Variants in BAZ2B observed in about 807,000 individuals in gnomAD.
The protein encoded by BAZ2B is bromodomain adjacent to zinc finger domain 2B.
BAZ2B carries 91 observed loss-of-function variants against 246.0 expected under a neutral mutation model. That is an observed-to-expected ratio of 0.37 (90% CI 0.31 to 0.44). BAZ2B has a LOEUF of 0.44. Ranked by LOEUF, BAZ2B falls within the 20% of genes least tolerant of loss-of-function variation. BAZ2B has a pLI of 1.00. For missense variants in BAZ2B, 2,332 were observed against 2,533.7 expected, an observed-to-expected ratio of 0.92 and a Z score of 1.71; for synonymous variants, 855 against 860.0, an observed-to-expected ratio of 0.99 and a Z score of 0.10.
chr2:159,414,058 A>G (rs2067243399), intron 13 of BAZ2B, among the ~76,000 whole-genome samples: 1 of 152,230 alleles, frequency 6.6e-6, no homozygotes, highest in African/African-American at 2.4e-5. Context: ...TACACTACAC[A>G]ATGGAGTACT....
chr2:159,327,871 C>G (rs757342514), intron 34 of BAZ2B, among the ~76,000 whole-genome samples: 4 of 152,130 alleles, frequency 2.6e-5, no homozygotes, highest in Non-Finnish European at 4.4e-5. Flanking sequence ...TTGAGACCAG[C>G]TTGGCCAACA....
At chr2:159,467,790 CAGA>C (rs966386172) in intron 3 of BAZ2B, among the ~76,000 whole-genome samples, 8 of 152,040 alleles carry the variant, frequency 5.3e-5, no homozygotes, top group South Asian at 2.1e-4. Context: ...CATCCAAAAG[CAGA>C]AGAATGGCAG....
At chr2:159,597,819 T>G (rs1691098011) in intron 1 of BAZ2B, among the ~76,000 whole-genome samples, 1 of 152,188 alleles carries the variant, frequency 6.6e-6, no homozygotes, top group Non-Finnish European at 1.5e-5. Flanking sequence ...AAAGCTTGTT[T>G]CTCAGGCAGC....
At chr2:159,687,008 C>G in the BAZ2B span, among the ~76,000 whole-genome samples, 1 of 143,152 alleles carries the variant, frequency 7.0e-6, no homozygotes, top group Non-Finnish European at 1.5e-5. Context: ...CGCCACTACG[C>G]TCCAGCCTGG....
chr2:159,632,210 AG>A, the BAZ2B span, among the ~76,000 whole-genome samples: 1 of 152,190 alleles, frequency 6.6e-6, no homozygotes, highest in Non-Finnish European at 1.5e-5. Context: ...ATGAAATCCA[AG>A]GGCATAATAA....
intron 2 of BAZ2B, among the ~76,000 whole-genome samples, chr2:159,519,223 T>TC (rs2083797448): frequency 2.3e-5 from 1 of 43,982 alleles, no homozygotes; most frequent in Non-Finnish European, 5.8e-5. Context: ...TTTTTTTTTT[T>TC]TTTTTTTTTT....
chr2:159,349,761 A>C lies in BAZ2B; in HGVS notation c.4810T>G (p.Ser1604Ala). 1.4e-5 allele frequency: 22 copies of C among 1,614,098 alleles called. No homozygotes were observed. Among genetic ancestry groups the C allele is most frequent in the Non-Finnish European group, 1.9e-5 (22 of 1,180,006 alleles). ...SPSPTPAPLG[S>A]SAQNPVGLNP... ...AAGCCAACAGGATTCTGAGCAGAAG[A>C]TCCAAGAGGAGCTGGGGTAGGTGAA... Residue 1604 changes from serine (S) to alanine (A), a missense_variant, in exon 28 of 37, where the codon TCT (serine) becomes GCT (alanine). Coordinates refer to ENST00000392783, the MANE Select transcript of BAZ2B (RefSeq NM_013450.4).
chr2:159,556,289 C>G (rs1390214955), intron 1 of BAZ2B, among the ~76,000 whole-genome samples: 1 of 152,048 alleles, frequency 6.6e-6, no homozygotes, highest in Non-Finnish European at 1.5e-5. Flanking sequence ...CAGATTAGAA[C>G]CAAAATGTCA....
intron 35 of BAZ2B, 55 bp downstream of exon 35, chr2:159,325,598 A>T (rs947293161): frequency 6.5e-7 from 1 of 1,527,052 alleles, no homozygotes. Flanking sequence ...AAAGGTTTCT[A>T]AACAAATAAA....
At chr2:159,699,125 A>G in the BAZ2B span, among the ~76,000 whole-genome samples, 1 of 152,180 alleles carries the variant, frequency 6.6e-6, no homozygotes, top group African/African-American at 2.4e-5. Context: ...CACACCCAGT[A>G]TCCTCAGTGG....
intron 6 of BAZ2B, among the ~76,000 whole-genome samples, chr2:159,440,901 C>A (rs767193719): frequency 2.0e-5 from 3 of 152,102 alleles, no homozygotes; most frequent in Non-Finnish European, 4.4e-5. Flanking sequence ...TAGTTCCCAT[C>A]ATTTCTTGAG....
intron 6 of BAZ2B, among the ~76,000 whole-genome samples, chr2:159,440,542 A>G (rs1276717037): frequency 7.0e-6 from 1 of 142,444 alleles, no homozygotes; most frequent in Non-Finnish European, 1.5e-5. Context: ...TTTCGGGGAC[A>G]GTCTCGCTCT....
chr2:159,354,370 G>A (rs2058866016), intron 27 of BAZ2B, among the ~76,000 whole-genome samples: 1 of 151,646 alleles, frequency 6.6e-6, no homozygotes, highest in Non-Finnish European at 1.5e-5. Flanking sequence ...TATATTTTTT[G>A]AGATGGAGTC....
chr2:159,583,745 T>C (rs1687387098), intron 1 of BAZ2B, among the ~76,000 whole-genome samples: 1 of 152,088 alleles, frequency 6.6e-6, no homozygotes, highest in Admixed American at 6.6e-5. Context: ...GCCATAAGTA[T>C]ATGGGGTGGA....
At chr2:159,619,050 TTAAAG>T (rs1230449591), upstream of BAZ2B, among the ~76,000 whole-genome samples, 1 of 152,024 alleles carries the variant, frequency 6.6e-6, no homozygotes, top group Non-Finnish European at 1.5e-5. Flanking sequence ...AAAAAATAAT[TTAAAG>T]TAATAAAATT....
intron 1 of BAZ2B, among the ~76,000 whole-genome samples, chr2:159,571,064 G>C (rs1309174072): frequency 1.3e-5 from 2 of 152,066 alleles, no homozygotes; most frequent in Non-Finnish European, 2.9e-5. Flanking sequence ...ATGTTGACCA[G>C]GCTGGTCTTG....
the BAZ2B span, among the ~76,000 whole-genome samples, chr2:159,691,049 A>G: frequency 5.9e-5 from 9 of 152,296 alleles, no homozygotes; most frequent in African/African-American, 2.2e-4. Context: ...CTATACATCA[A>G]AGGTGTGTAT....
intron 1 of BAZ2B, among the ~76,000 whole-genome samples, chr2:159,596,738 T>C (rs547736088): frequency 6.6e-6 from 1 of 152,340 alleles, no homozygotes; most frequent in South Asian, 2.1e-4. Context: ...TGCCTTTGCA[T>C]CCTCGTATCA....
At chr2:159,411,597 T>C (rs1237795791) in intron 14 of BAZ2B, among the ~76,000 whole-genome samples, 1 of 152,208 alleles carries the variant, frequency 6.6e-6, no homozygotes, top group Admixed American at 6.5e-5. Flanking sequence ...CATATGTTGA[T>C]ATATTCAGAC....
Sources: allele counts gnomAD v4.1 joint callset (sites outside exome capture counted in the v4.1 genomes callset), GRCh38; gene constraint gnomAD v4.1.1; transcripts MANE v1.5; gene names NCBI Gene and HGNC (gene_info 2026-07-23, HGNC 2026-07-21).